Variants in ITGA11 observed in about 807,000 individuals in gnomAD.
The protein encoded by ITGA11 is integrin subunit alpha 11.
Under a neutral mutation model 141.9 loss-of-function variants are expected in ITGA11, and 97 were observed. The ratio of observed to expected loss-of-function variants is 0.68; its 90% CI spans 0.58 to 0.81. The LOEUF is 0.81. Ranked by LOEUF, ITGA11 falls within the 30% of genes least tolerant of loss-of-function variation. The pLI is 0.00. For missense variants in ITGA11, 1,387 were observed against 1,559.2 expected (o/e 0.89, Z 1.86); for synonymous variants, 658 against 624.6 (o/e 1.05, Z -0.80).
intron 24 of ITGA11, 45 bp from the exon 25 acceptor site, chr15:68,311,448 G>A: frequency 7.1e-7 from 1 of 1,400,806 alleles, no homozygotes; most frequent in Non-Finnish European, 9.9e-7. Flanking sequence ...AGTTGAGGGG[G>A]GTGGAAAACA....
At position 68,331,918 on chromosome 15, in the gene ITGA11, C is replaced by T. The variant is rs775704984; in HGVS notation, c.1711G>A (p.Ala571Thr). 16 of 1,613,332 alleles carry T rather than the reference C, an allele frequency of 9.9e-6. No homozygotes were observed. The highest frequency in any genetic ancestry group is 1.4e-5 in the Non-Finnish European group (16 of 1,179,746). Residue 571 changes from alanine to threonine, a missense_variant, in exon 14 of 30, where the codon GCA (alanine) becomes ACA (threonine). By Grantham distance (58) the Ala-to-Thr change is moderately conservative. Coordinates refer to ENST00000315757, the MANE Select transcript of ITGA11 (RefSeq NM_001004439.2). ...VVGAPLEDNH[A>T]GAIYIFHGFR... ...CCGTGGAAGATGTAGATGGCTCCTGCGTGGTTGTCCTCCAGGGGGGCTCCC... is the reference window on the plus strand; with the variant it reads ...CCGTGGAAGATGTAGATGGCTCCTGTGTGGTTGTCCTCCAGGGGGGCTCCC...
chr15:68,418,716 A>G (rs1339995713), intron 1 of ITGA11, among the ~76,000 whole-genome samples: 3 of 151,854 alleles, frequency 2.0e-5, no homozygotes, highest in Admixed American at 6.6e-5. Context: ...GGCCATTTCA[A>G]CTGGAGCTGA....
intron 1 of ITGA11, among the ~76,000 whole-genome samples, chr15:68,403,811 A>G (rs936728965): frequency 6.6e-6 from 1 of 151,570 alleles, no homozygotes; most frequent in Non-Finnish European, 1.5e-5. Context: ...ATTTTTATTT[A>G]TTTTTTAGTA....
At chr15:68,374,613 T>C (rs1194380084) in intron 2 of ITGA11, among the ~76,000 whole-genome samples, 1 of 152,214 alleles carries the variant, frequency 6.6e-6, no homozygotes, top group Non-Finnish European at 1.5e-5. Context: ...GCTGTGTCTG[T>C]TGAGGCAGGC....
chr15:68,382,551 T>A (rs769404576), intron 2 of ITGA11, among the ~76,000 whole-genome samples: 1 of 152,240 alleles, frequency 6.6e-6, no homozygotes, highest in Non-Finnish European at 1.5e-5. Context: ...ATTCTCTCCC[T>A]CCCTTTCTTC....
chr15:68,315,507 C>T (rs1293001071), intron 22 of ITGA11, 144 bp downstream of exon 22: 1 of 734,152 alleles, frequency 1.4e-6, no homozygotes, highest in Admixed American at 2.3e-5. Context: ...CCTCCCCACC[C>T]CACTGCCTCC....
chr15:68,407,404 A>G (rs934015258), intron 1 of ITGA11, among the ~76,000 whole-genome samples: 2 of 152,202 alleles, frequency 1.3e-5, no homozygotes, highest in Non-Finnish European at 2.9e-5. Flanking sequence ...TTTCCTAAAA[A>G]TGATGTCAGT....
chr15:68,379,914 G>A (rs1360928043), intron 2 of ITGA11, among the ~76,000 whole-genome samples: 3 of 152,220 alleles, frequency 2.0e-5, no homozygotes, highest in Non-Finnish European at 4.4e-5. Flanking sequence ...TGGTAGGAAG[G>A]AAAGGGGCCT....
intron 1 of ITGA11, among the ~76,000 whole-genome samples, chr15:68,431,793 CAA>C (rs969010158): frequency 2.6e-5 from 4 of 152,236 alleles, no homozygotes; most frequent in South Asian, 2.1e-4. Flanking sequence ...CCAAACACAC[CAA>C]AGAGTCCCGG....
chr15:68,378,919 C>T (rs1462081053), intron 2 of ITGA11, among the ~76,000 whole-genome samples: 1 of 152,144 alleles, frequency 6.6e-6, no homozygotes, highest in Non-Finnish European at 1.5e-5. Context: ...CCAAACAGTG[C>T]TTCCTTCCTA....
intron 1 of ITGA11, among the ~76,000 whole-genome samples, chr15:68,410,239 A>G (rs890430146): frequency 6.6e-6 from 1 of 152,236 alleles, no homozygotes; most frequent in Admixed American, 6.5e-5. Flanking sequence ...GCCTCTCCGC[A>G]GCCCTGCCCC....
Position 68,331,933 on chromosome 15 carries a change from G to T in ITGA11, c.1696C>A (p.Leu566Met), listed in dbSNP as rs955945468. 1 of 1,613,366 alleles carries T rather than the reference G, an allele frequency of 6.2e-7. No individual in the cohort carries two copies. The highest frequency in any genetic ancestry group is 1.1e-5 in the South Asian group (1 of 90,838). Residue 566 changes from leucine to methionine, a missense_variant, in exon 14 of 30, where the codon CTG becomes ATG. Leu to Met is a conservative substitution (Grantham distance 15, BLOSUM62 2). Transcript: ENST00000315757. ...ATGGCTCCTGCGTGGTTGTCCTCCA[G>T]GGGGGCTCCCACCACCACGTCATTG... Reference protein sequence around the residue: ...SYNDVVVGAPLEDNHAGAIYI... With the variant: ...SYNDVVVGAPMEDNHAGAIYI...
chr15:68,328,370 T>G lies in ITGA11; in HGVS notation c.1902-108A>C. 6.6e-5 allele frequency: 37 copies of G among 561,758 alleles called. No homozygotes were observed. Among genetic ancestry groups the G allele is most frequent in the Middle Eastern group, 5.4e-4 (1 of 1,860 alleles). The allele number at this position is 561,758 out of a possible 1,614,324, so 34.8% of individuals were successfully genotyped here. A position where few individuals can be genotyped will look rare whatever the true frequency, so the allele number is the denominator to read the frequency against. On this transcript the variant is annotated intron_variant, in intron 15 of 29. Coordinates refer to ENST00000315757, the MANE Select transcript of ITGA11 (RefSeq NM_001004439.2). This position sits in a 1 kb window ranked among gnomAD's most constrained non-coding sequence, Gnocchi z 4.8. ...ATGCGAGTGGGATCTGCAAAGCCAC[T>G]GGAGGGGGTGAGGTGGAGGATGGAG...
At chr15:68,401,640 T>A (rs976741539) in intron 2 of ITGA11, among the ~76,000 whole-genome samples, 1 of 152,084 alleles carries the variant, frequency 6.6e-6, no homozygotes, top group African/African-American at 2.4e-5. Context: ...TCTATGAAGT[T>A]CAAAACTAAC....
At position 68,326,606 on chromosome 15, in the gene ITGA11, C is replaced by T. The variant is rs1479053260; in HGVS notation, c.2211+48G>A. 6.5e-7 allele frequency: 1 copy of T among 1,534,408 alleles called. No homozygotes were observed. Among genetic ancestry groups the T allele is most frequent in the Non-Finnish European group, 8.8e-7 (1 of 1,136,814 alleles). ...CTCTCTGCCTCTCCCACGGCAGATG[C>T]TCCTTCCTATAGGAGCTTGGGCTCT... On this transcript the variant is annotated intron_variant, in intron 17 of 29. Coordinates refer to ENST00000315757, the MANE Select transcript of ITGA11 (RefSeq NM_001004439.2). This position sits in a 1 kb window ranked among gnomAD's most constrained non-coding sequence, Gnocchi z 6.8.
intron 12 of ITGA11, among the ~76,000 whole-genome samples, chr15:68,334,484 A>T (rs560361028): frequency 2.6e-5 from 4 of 152,342 alleles, no homozygotes; most frequent in African/African-American, 9.6e-5. Context: ...TCTCTGGCTT[A>T]GCGTGTTTTC....
At chr15:68,398,706 A>G (rs1018478454) in intron 2 of ITGA11, among the ~76,000 whole-genome samples, 3 of 147,160 alleles carry the variant, frequency 2.0e-5, no homozygotes, top group African/African-American at 7.4e-5. Context: ...ATATATTTAC[A>G]TTAAATATAT....
intron 12 of ITGA11, among the ~76,000 whole-genome samples, chr15:68,334,293 G>T (rs1894274200): frequency 6.6e-6 from 1 of 152,232 alleles, no homozygotes; most frequent in Non-Finnish European, 1.5e-5. Context: ...ATAGCCTTGG[G>T]TTAGCTCATG....
intron 2 of ITGA11, among the ~76,000 whole-genome samples, chr15:68,387,040 G>T (rs1473953541): frequency 1.3e-5 from 2 of 152,156 alleles, no homozygotes; most frequent in Non-Finnish European, 2.9e-5. Flanking sequence ...GGGAGGAGGG[G>T]ATGAGGGGGA....
Sources: gnomAD v4.1 joint callset for allele counts (sites outside exome capture counted in the v4.1 genomes callset) on GRCh38, gnomAD v4.1.1 for gene constraint, Gnocchi (gnomAD v3.1) non-coding constraint, MANE v1.5 for transcripts, NCBI Gene and HGNC (gene_info 2026-07-23, HGNC 2026-07-21) for gene names.